Variants in SLC35D1 observed in about 807,000 individuals in gnomAD.
SLC35D1 encodes the protein solute carrier family 35 member D1.
In SLC35D1, 31 loss-of-function variants were observed where a neutral mutation model predicts 46.7. The observed-to-expected ratio is 0.66, with a 90% CI of 0.50 to 0.90. SLC35D1 has a LOEUF of 0.90. SLC35D1 is among the 40% of genes least tolerant of loss of function. The pLI is 0.00. For synonymous variants in SLC35D1, 195 were observed against 164.6 expected, an observed-to-expected ratio of 1.18 and a Z score of -1.41; for missense variants, 397 against 426.2, an observed-to-expected ratio of 0.93 and a Z score of 0.60.
chr1:67,002,920 T>C lies in SLC35D1; in HGVS notation c.*1420A>G, dbSNP rs758714504. 2.6e-5 allele frequency: 4 copies of C among 152,268 alleles called. No homozygotes were observed. The highest frequency in any genetic ancestry group is 6.5e-5 in the Admixed American group (1 of 15,268). 9.4% of individuals were successfully genotyped at this position (152,268 alleles called of 1,614,324 possible). A position where few individuals can be genotyped will look rare whatever the true frequency, so the allele number is the denominator to read the frequency against. Reference sequence around the variant, plus strand: ...TCTGAGTCAAGTCATAGGGTTATGTTTGAGTTAACACCTCCACCCTCCAGA... The same window carrying C: ...TCTGAGTCAAGTCATAGGGTTATGTCTGAGTTAACACCTCCACCCTCCAGA... On this transcript the variant is annotated 3_prime_UTR_variant, in exon 12 of 12. Transcript: ENST00000235345.
At chr1:67,011,237 T>C (rs1168047894) in intron 10 of SLC35D1, among the ~76,000 whole-genome samples, 2 of 152,242 alleles carry the variant, frequency 1.3e-5, no homozygotes, top group African/African-American at 4.8e-5. Flanking sequence ...CCTTTTCTTT[T>C]ACTAGTCTGT....
At chr1:66,981,230 C>G in the SLC35D1 span, among the ~76,000 whole-genome samples, 1 of 152,016 alleles carries the variant, frequency 6.6e-6, no homozygotes, top group Non-Finnish European at 1.5e-5. Context: ...AGCTCACATA[C>G]AATGAGAAAG....
intron 10 of SLC35D1, among the ~76,000 whole-genome samples, chr1:67,019,683 CTTT>C (rs2102275680): frequency 6.6e-6 from 1 of 152,266 alleles, no homozygotes; most frequent in African/African-American, 2.4e-5. Flanking sequence ...TGGGTTTTGC[CTTT>C]TTAAGGAAGC....
chr1:67,021,702 C>CACAGAT (rs1246903242), intron 8 of SLC35D1, 100 bp from the exon 9 acceptor site: 107 of 209,054 alleles, frequency 5.1e-4, no homozygotes, highest in African/African-American at 2.6e-3. Context: ...CCAACACAGA[C>CACAGAT]ACAGACACAG....
intron 8 of SLC35D1, among the ~76,000 whole-genome samples, chr1:67,035,132 TTGTG>T (rs113505067): frequency 6.6e-6 from 1 of 151,798 alleles, no homozygotes; most frequent in African/African-American, 2.4e-5. Context: ...CAGTTCTGTG[TTGTG>T]TGTGTGTGTG....
At chr1:66,985,836 TTA>T in the SLC35D1 span, 1,795 of 656,490 alleles carry the variant, frequency 2.7e-3, 3 homozygotes, top group Middle Eastern at 7.3e-3. Context: ...TTTTTTTTTT[TTA>T]AATTTCTACT....
At chr1:67,045,184 G>A (rs187208978) in intron 7 of SLC35D1, among the ~76,000 whole-genome samples, 2 of 152,252 alleles carry the variant, frequency 1.3e-5, no homozygotes, top group South Asian at 2.1e-4. Context: ...GAACTTAAAT[G>A]CCAAAACTTC....
In SLC35D1 at chr1:67,000,023, A is replaced by G. The variant is rs1423015969; in HGVS notation, c.*4317T>C. On this transcript the variant is annotated 3_prime_UTR_variant, in exon 12 of 12. Coordinates refer to ENST00000235345, the MANE Select transcript of SLC35D1 (RefSeq NM_015139.3). ...TGTGGCACACACCTGTAATCCCAGC[A>G]CTTTGGGAGGCTGAGACAGAAGGGT... 6.6e-6 allele frequency: 1 copy of G among 151,964 alleles called. No individual in the cohort carries two copies. The highest frequency in any genetic ancestry group is 1.5e-5 in the Non-Finnish European group (1 of 68,040). 9.4% of individuals were successfully genotyped at this position (151,964 alleles called of 1,614,324 possible).
the SLC35D1 span, among the ~76,000 whole-genome samples, chr1:66,989,699 G>A: frequency 1.8e-4 from 27 of 152,256 alleles, no homozygotes; most frequent in East Asian, 4.8e-3. Flanking sequence ...TCCTGGGCTC[G>A]AGTGATCCTC....
Position 67,053,822 on chromosome 1 carries a change from G to T in SLC35D1, c.192C>A (p.Leu64=). The T allele has an allele frequency of 6.2e-7, 1 of 1,610,826 alleles. No homozygotes were observed. Residue 64 remains leucine, a synonymous_variant, in exon 1 of 12, where the codon CTC becomes CTA. Transcript: ENST00000235345. The part of the protein sequence containing the change: ...FLIVVVNKSV[L]TNYRFPSSLC... Reference sequence around the variant, plus strand: ...CGCCTCGGCCCTACCTGTAATTGGTGAGCACGCTCTTATTCACCACCACGA... The same window carrying T: ...CGCCTCGGCCCTACCTGTAATTGGTTAGCACGCTCTTATTCACCACCACGA...
the SLC35D1 span, chr1:66,976,603 A>C: frequency 6.3e-7 from 1 of 1,589,252 alleles, no homozygotes; most frequent in East Asian, 2.3e-5. Context: ...AGGTCCGAAC[A>C]AGGTCAGTTG....
chr1:66,997,598 T>G (rs1270756695), downstream of SLC35D1, among the ~76,000 whole-genome samples: 1 of 143,222 alleles, frequency 7.0e-6, no homozygotes, highest in African/African-American at 2.5e-5. Flanking sequence ...GATATAGAGA[T>G]GTATAAAGAT....
At chr1:66,985,861 A>ATT in the SLC35D1 span, 2 of 866,824 alleles carry the variant, frequency 2.3e-6, no homozygotes, top group Non-Finnish European at 2.8e-6. Flanking sequence ...AGGGCAAGTA[A>ATT]TTTGAGAATT....
At chr1:66,981,941 C>A in the SLC35D1 span, 3 of 1,611,114 alleles carry the variant, frequency 1.9e-6, no homozygotes, top group African/African-American at 2.7e-5. Context: ...AGAAACATTT[C>A]TCTTTCTTCA....
At chr1:67,032,446 C>A (rs906599374) in intron 8 of SLC35D1, among the ~76,000 whole-genome samples, 1 of 151,712 alleles carries the variant, frequency 6.6e-6, no homozygotes, top group Non-Finnish European at 1.5e-5. Context: ...TTTGGGAGGC[C>A]GAAGTAGGCG....
chr1:67,012,688 A>C (rs1667592610), intron 10 of SLC35D1, among the ~76,000 whole-genome samples: 2 of 152,148 alleles, frequency 1.3e-5, no homozygotes, highest in African/African-American at 2.4e-5. Flanking sequence ...AAAGAGCAAA[A>C]ATCTGACCTA....
At chr1:67,023,666 A>G (rs564430618) in intron 8 of SLC35D1, among the ~76,000 whole-genome samples, 18 of 150,614 alleles carry the variant, frequency 1.2e-4, no homozygotes, top group African/African-American at 4.4e-4. Context: ...TTGTATTTTT[A>G]GTAGAGACAG....
downstream of SLC35D1, among the ~76,000 whole-genome samples, chr1:66,998,582 A>G (rs940040106): frequency 2.0e-5 from 3 of 152,236 alleles, no homozygotes; most frequent in Non-Finnish European, 2.9e-5. Context: ...AAGAGGTAGA[A>G]GCAACCCAAG....
At chr1:66,994,146 C>CT in the SLC35D1 span, among the ~76,000 whole-genome samples, 3 of 152,204 alleles carry the variant, frequency 2.0e-5, no homozygotes, top group Non-Finnish European at 2.9e-5. Flanking sequence ...ACTCTCAGCC[C>CT]TAGCACAGGT....
Sources: allele counts gnomAD v4.1 joint callset (sites outside exome capture counted in the v4.1 genomes callset), GRCh38; gene constraint gnomAD v4.1.1; transcripts MANE v1.5; gene names NCBI Gene and HGNC (gene_info 2026-07-23, HGNC 2026-07-21).